CWF19L1: variants seen among roughly 807,000 people sequenced by gnomAD.
CWF19L1 encodes CWF19 like cell cycle control factor 1, also known as CWF19-like protein 1.
Under a neutral mutation model 69.7 loss-of-function variants are expected in CWF19L1, and 60 were observed. The ratio of observed to expected loss-of-function variants is 0.86; its 90% confidence interval spans 0.70 to 1.07. The LOEUF (loss-of-function observed/expected upper bound fraction) is 1.07. CWF19L1 is among the 50% of genes least tolerant of loss of function. The pLI is 0.00. For synonymous variants in CWF19L1, 209 were observed against 222.2 expected, an observed-to-expected ratio of 0.94 and a Z score of 0.53; for missense variants, 591 against 638.9, an observed-to-expected ratio of 0.92 and a Z score of 0.81.
At chr10:100,246,424 G>A (rs1258864451) in intron 8 of CWF19L1, among the ~76,000 whole-genome samples, 2 of 152,190 alleles carry the variant, frequency 1.3e-5, no homozygotes, top group Admixed American at 1.3e-4. Context: ...TTTCTTCAGA[G>A]TGAATCTTAT....
chr10:100,257,143 A>G (rs994893456), intron 4 of CWF19L1, among the ~76,000 whole-genome samples: 32 of 152,050 alleles, frequency 2.1e-4, no homozygotes, highest in Admixed American at 2.1e-3. Flanking sequence ...CTTCCCTTTC[A>G]TCTACTGAGT....
At chr10:100,243,981 A>G (rs1042971722) in intron 9 of CWF19L1, among the ~76,000 whole-genome samples, 3 of 152,220 alleles carry the variant, frequency 2.0e-5, no homozygotes, top group Non-Finnish European at 4.4e-5. Context: ...TTTGTAACCA[A>G]TCCACAGGTA....
chr10:100,238,639 G>A (rs1846532706), intron 10 of CWF19L1, among the ~76,000 whole-genome samples: 1 of 152,022 alleles, frequency 6.6e-6, no homozygotes, highest in Non-Finnish European at 1.5e-5. Flanking sequence ...ATTTCAAAAT[G>A]ACCACTTTCG....
At chr10:100,264,722 C>G (rs1446268558) in intron 1 of CWF19L1, among the ~76,000 whole-genome samples, 1 of 151,930 alleles carries the variant, frequency 6.6e-6, no homozygotes, top group East Asian at 1.9e-4. Context: ...GTTATTACTA[C>G]TGAAGCCCTT....
chr10:100,259,990 C>T (rs965861058), intron 4 of CWF19L1, among the ~76,000 whole-genome samples: 3 of 152,010 alleles, frequency 2.0e-5, no homozygotes, highest in African/African-American at 7.3e-5. Flanking sequence ...CACGGTGAAA[C>T]CCTGTCTCTA....
intron 1 of CWF19L1, among the ~76,000 whole-genome samples, chr10:100,263,307 C>A (rs890561280): frequency 6.6e-6 from 1 of 152,112 alleles, no homozygotes; most frequent in Non-Finnish European, 1.5e-5. Flanking sequence ...TTACTCTCTG[C>A]CTCTGTCATT....
chr10:100,233,423 C>T (rs911700436), intron 13 of CWF19L1, 52 bp from the exon 14 acceptor site: 1 of 1,575,756 alleles, frequency 6.3e-7, no homozygotes, highest in African/African-American at 1.3e-5. Flanking sequence ...CCTGAGCTCT[C>T]CTCAACATCA....
At chr10:100,265,807 C>T (rs1847560756) in intron 1 of CWF19L1, among the ~76,000 whole-genome samples, 1 of 152,104 alleles carries the variant, frequency 6.6e-6, no homozygotes, top group African/African-American at 2.4e-5. Context: ...AGGCATAAGC[C>T]ACCACACCCG....
rs1847356311 is a variant in CWF19L1, at chr10:100,260,309, C to T, written c.198G>A (p.Gln66=). Residue 66 remains glutamine (Q), a synonymous_variant, in exon 4 of 14, where the codon CAG becomes CAA. Coordinates refer to ENST00000354105, the MANE Select transcript of CWF19L1 (RefSeq NM_018294.6). Reference sequence around the variant, plus strand: ...GGTTATTAGCACCAAGCACATATGTCTGAATAGGAGCTAGTGAGGGAAACA... The same window carrying T: ...GGTTATTAGCACCAAGCACATATGTTTGAATAGGAGCTAGTGAGGGAAACA... ...YKTGIKKAPI[Q]TYVLGANNQE... is the part of the protein sequence containing the mutation. 1 of 1,600,698 alleles carries T rather than the reference C, an allele frequency of 6.2e-7. No individual in the cohort carries two copies. Among genetic ancestry groups the T allele is most frequent in the Non-Finnish European group, 8.6e-7 (1 of 1,168,630 alleles).
Position 100,265,186 on chromosome 10 carries a change from G to A in CWF19L1, c.23+2385C>T, listed in dbSNP as rs546704185. Among the ~76,000 whole-genome samples, 9 of 151,898 alleles carry A rather than the reference G, an allele frequency of 5.9e-5. No homozygotes were observed. The South Asian group carries it at 1.2e-3, about 21-fold the overall frequency. On this transcript the variant is annotated intron_variant, in intron 1 of 13. Transcript: ENST00000354105. The stretch of plus-strand genomic sequence containing the variant: ...AATAGAAAAAAGCTTGTAGAATAAG[G>A]ATATAAAGAAAATATTTTTGTACAG...
At chr10:100,241,379 A>C (rs1846634194) in intron 10 of CWF19L1, among the ~76,000 whole-genome samples, 2 of 152,192 alleles carry the variant, frequency 1.3e-5, no homozygotes, top group African/African-American at 4.8e-5. Context: ...GCAGAAGTGT[A>C]ACTCCTTAAA....
At chr10:100,260,467 C>G in intron 3 of CWF19L1, 148 bp from the exon 4 acceptor site, 1 of 544,610 alleles carries the variant, frequency 1.8e-6, no homozygotes, top group Non-Finnish European at 3.2e-6. Context: ...AAATGTGGAA[C>G]AGCTATCCAC....
chr10:100,243,530 GT>G (rs1334788163), intron 10 of CWF19L1, among the ~76,000 whole-genome samples, 167 bp downstream of exon 10: 1 of 152,166 alleles, frequency 6.6e-6, no homozygotes, highest in African/African-American at 2.4e-5. Flanking sequence ...TGATAAAAAT[GT>G]TCTAAAACTA....
At chr10:100,233,478 T>C in intron 13 of CWF19L1, 107 bp from the exon 14 acceptor site, 1 of 1,086,044 alleles carries the variant, frequency 9.2e-7, no homozygotes. Context: ...TCTCCTGCCC[T>C]GAGTGCCATC....
chr10:100,248,297 T>A, intron 7 of CWF19L1: 4 of 1,375,226 alleles, frequency 2.9e-6, no homozygotes, highest in Non-Finnish European at 3.1e-6. Context: ...TTGGCAAGTT[T>A]GGCCTGGCCT....
chr10:100,240,932 C>T (rs1846615370), intron 10 of CWF19L1, among the ~76,000 whole-genome samples: 1 of 150,074 alleles, frequency 6.7e-6, no homozygotes, highest in African/African-American at 2.5e-5. Flanking sequence ...TTCTATGGCT[C>T]AGTTGTGTCA....
intron 1 of CWF19L1, 149 bp downstream of exon 1, chr10:100,267,422 G>T: frequency 6.5e-7 from 1 of 1,539,884 alleles, no homozygotes; most frequent in Non-Finnish European, 8.7e-7. Flanking sequence ...CCCCGGCCAG[G>T]CAAAGACATC....
At position 100,267,572 on chromosome 10, in the gene CWF19L1, G is replaced by T; in HGVS notation, c.22C>A (p.Leu8Ile). The change falls in exon 1 of 14, where the codon CTC becomes ATC. Residue 8 changes from leucine (L) to isoleucine (I), a missense_variant and splice_region_variant. This residue lies in a region of CWF19L1 where 129 missense variants were observed against 131.3 expected (regional missense o/e 0.98). Transcript: ENST00000354105. Reference sequence around the variant, plus strand: ...AGGCTTCCATTCACGGTCACTCACAGGCGCAGCGGTTTCTGTGCCATCTGT... The same window carrying T: ...AGGCTTCCATTCACGGTCACTCACATGCGCAGCGGTTTCTGTGCCATCTGT... MAQKPLR[L>I]LACGDVEGKF... 1.2e-6 allele frequency: 2 copies of T among 1,614,208 alleles called. No individual in the cohort carries two copies. Among genetic ancestry groups the T allele is most frequent in the Non-Finnish European group, 1.7e-6 (2 of 1,180,050 alleles).
Position 100,257,444 on chromosome 10 carries a change from T to TGACC in CWF19L1, c.290-972_290-969dup, listed in dbSNP as rs112057943. 6.6e-5 allele frequency among the ~76,000 whole-genome samples: 10 copies of TGACC among 151,854 alleles called. 1 individual carries two copies. The highest frequency in any genetic ancestry group is 2.2e-4 in the African/African-American group (9 of 41,450). ...CCTCCCAAGTAGCTGGGACTACAGG[T>TGACC]GACCGCCACCATGCCCAGTTAATTT... On this transcript the variant is annotated intron_variant, in intron 4 of 13. Transcript: ENST00000354105.
Sources: gnomAD v4.1 joint callset for allele counts (sites outside exome capture counted in the v4.1 genomes callset) on GRCh38, gnomAD v4.1.1 for gene constraint, gnomAD v4.1.1 regional missense constraint, MANE v1.5 for transcripts, NCBI Gene and HGNC (gene_info 2026-07-23, HGNC 2026-07-21) for gene names.